The following LPA variants were observed in gnomAD, a reference collection of about 807,000 sequenced individuals.
The protein encoded by LPA is apolipoprotein(a).
LPA carries 199 observed loss-of-function variants against 197.9 expected under a neutral mutation model. That is an observed-to-expected ratio of 1.01 (90% CI 0.90 to 1.13). The LOEUF (loss-of-function observed/expected upper bound fraction) is 1.13. Among genes scored for constraint, LPA ranks in the 50% most tolerant of loss-of-function variants. LPA has a pLI of 0.00. For synonymous variants in LPA, 715 were observed against 639.5 expected, an observed-to-expected ratio of 1.12 and a Z score of -1.78; for missense variants, 1,853 against 1,785.8, an observed-to-expected ratio of 1.04 and a Z score of -0.68.
At chr6:160,553,502 T>A (rs1273919371) in intron 30 of LPA, among the ~76,000 whole-genome samples, 1 of 152,202 alleles carries the variant, frequency 6.6e-6, no homozygotes, top group Non-Finnish European at 1.5e-5. Flanking sequence ...CCTAGGTTGA[T>A]CTGTTTTTAT....
intron 22 of LPA, among the ~76,000 whole-genome samples, chr6:160,591,411 G>A (rs7754526): frequency 0.04 from 6,160 of 152,198 alleles, 396 homozygotes; most frequent in African/African-American, 0.14. Context: ...ATGTTACTTT[G>A]GATTAACTGA....
At chr6:160,610,005 G>C (rs1400377238) in intron 16 of LPA, among the ~76,000 whole-genome samples, 1 of 151,944 alleles carries the variant, frequency 6.6e-6, no homozygotes, top group Admixed American at 6.6e-5. Context: ...CTATTAATTT[G>C]TCTTGATATG....
At chr6:160,570,809 T>TA (rs1778549261) in intron 28 of LPA, among the ~76,000 whole-genome samples, 2 of 152,162 alleles carry the variant, frequency 1.3e-5, no homozygotes, top group Admixed American at 6.6e-5. Flanking sequence ...ATCTGACGAT[T>TA]ATGTGTCTTC....
intron 28 of LPA, among the ~76,000 whole-genome samples, chr6:160,565,750 C>T (rs182285082): frequency 3.9e-5 from 6 of 152,228 alleles, no homozygotes; most frequent in East Asian, 1.9e-4. Context: ...GAAGGATGTT[C>T]GAACCCATTG....
rs1778724797 is a variant in LPA at position 160,578,387 on chromosome 6, A to G, written c.4471+136T>C. The G allele has an allele frequency of 4.6e-6, 5 of 1,076,308 alleles. No individual in the cohort carries two copies. In the East Asian group the frequency reaches 1.2e-4, roughly 26 times the overall value. The allele number at this position is 1,076,308 out of a possible 1,614,324, so 66.7% of individuals were successfully genotyped here. On this transcript the variant is annotated intron_variant, in intron 27 of 38. Coordinates refer to ENST00000316300, the MANE Select transcript of LPA (RefSeq NM_005577.4). ...AAAATCACAGTTCTGGATCCCCCAGAGAGGGCGCTGAGGCTTTCCTCCACA... is the reference window on the plus strand; with the variant it reads ...AAAATCACAGTTCTGGATCCCCCAGGGAGGGCGCTGAGGCTTTCCTCCACA...
At chr6:160,566,026 C>T (rs547402096) in intron 28 of LPA, among the ~76,000 whole-genome samples, 1 of 152,110 alleles carries the variant, frequency 6.6e-6, no homozygotes, top group African/African-American at 2.4e-5. Context: ...AAATATGGGA[C>T]TATGTGAAAA....
intron 32 of LPA, among the ~76,000 whole-genome samples, chr6:160,546,258 G>A (rs1778069597): frequency 1.3e-5 from 2 of 152,240 alleles, no homozygotes; most frequent in African/African-American, 4.8e-5. Flanking sequence ...GGCCAATGAT[G>A]TAATCAACTG....
chr6:160,597,746 C>A (rs900936619), intron 20 of LPA, among the ~76,000 whole-genome samples: 3 of 152,154 alleles, frequency 2.0e-5, no homozygotes, highest in African/African-American at 7.2e-5. Context: ...AATTCTCATG[C>A]CATTTAAATC....
chr6:160,592,143 T>C (rs931580284), intron 22 of LPA, among the ~76,000 whole-genome samples: 1 of 152,206 alleles, frequency 6.6e-6, no homozygotes, highest in African/African-American at 2.4e-5. Context: ...TTCTGTGACT[T>C]GCCTAACACA....
At chr6:160,555,257 ATATTAT>A (rs1778235889) in intron 30 of LPA, among the ~76,000 whole-genome samples, 2 of 128,790 alleles carry the variant, frequency 1.6e-5, no homozygotes, top group Non-Finnish European at 3.2e-5. Flanking sequence ...ATATTATATT[ATATTAT>A]ATTATATTAT....
chr6:160,561,972 A>G (rs1437180113), intron 28 of LPA, among the ~76,000 whole-genome samples: 1 of 152,236 alleles, frequency 6.6e-6, no homozygotes, highest in East Asian at 1.9e-4. Context: ...TTTTGGGCTG[A>G]GATGATAGAG....
intron 2 of LPA, among the ~76,000 whole-genome samples, chr6:160,649,882 T>C (rs1779972001): frequency 6.6e-6 from 1 of 152,196 alleles, no homozygotes; most frequent in African/African-American, 2.4e-5. Context: ...AGGGTGTTTC[T>C]ACCCGTTGGA....
At position 160,584,737 on chromosome 6, in the gene LPA, C is replaced by T. The variant is rs1266510183; in HGVS notation, c.4289+309G>A. On this transcript the variant is annotated intron_variant, in intron 26 of 38. Coordinates refer to ENST00000316300, the MANE Select transcript of LPA (RefSeq NM_005577.4). The stretch of plus-strand genomic sequence containing the variant: ...TGCATGGTTGAAAGACTGCATGGAC[C>T]TTTAGTGGGCATTGTGGAATGATAC... Among the ~76,000 whole-genome samples, 9 of 152,176 alleles carry T rather than the reference C, an allele frequency of 5.9e-5. No homozygotes were observed. The East Asian group carries it at 1.5e-3, about 26-fold the overall frequency.
intron 1 of LPA, among the ~76,000 whole-genome samples, chr6:160,657,078 A>T (rs1246657940): frequency 6.6e-5 from 10 of 152,160 alleles, no homozygotes; most frequent in African/African-American, 2.2e-4. Flanking sequence ...AATTATTCCC[A>T]TTGTATTTAA....
chr6:160,635,321 G>T lies in LPA; in HGVS notation c.894-17C>A. On this transcript the variant is annotated splice_polypyrimidine_tract_variant and intron_variant, in intron 6 of 38. Coordinates refer to ENST00000316300, the MANE Select transcript of LPA (RefSeq NM_005577.4). Reference sequence around the variant, plus strand: ...ATCAAGCCACTGGAAATTCCAAAACGATACACGTCACAAGAGGTGGGACAA... The same window carrying T: ...ATCAAGCCACTGGAAATTCCAAAACTATACACGTCACAAGAGGTGGGACAA... 1.0e-6 allele frequency: 1 copy of T among 1,001,850 alleles called. No individual in the cohort carries two copies. Among genetic ancestry groups the T allele is most frequent in the Non-Finnish European group, 1.4e-6 (1 of 698,198 alleles). The allele number at this position is 1,001,850 out of a possible 1,614,324, so 62.1% of individuals were successfully genotyped here.
chr6:160,541,140 T>C lies in LPA; in HGVS notation c.5561A>G (p.Glu1854Gly), dbSNP rs1367147760. The change falls in exon 35 of 39, where the codon GAG (glutamate) becomes GGG (glycine). Residue 1854 changes from glutamate (E) to glycine (G), a missense_variant. Transcript: ENST00000316300. ...GCAGTGAGCAGCAGTCAGCACCCAC[T>C]CTGGGGATATTAAGGTGCCTCCACA... ...HFCGGTLISP[E>G]WVLTAAHCLK... 13 of 1,614,150 alleles carry C rather than the reference T, an allele frequency of 8.1e-6. No homozygotes were observed. Among genetic ancestry groups the C allele is most frequent in the Non-Finnish European group, 1.0e-5 (12 of 1,180,006 alleles).
At chr6:160,544,534 G>T (rs563556453) in intron 33 of LPA, among the ~76,000 whole-genome samples, 1 of 152,206 alleles carries the variant, frequency 6.6e-6, no homozygotes, top group African/African-American at 2.4e-5. Context: ...GGGCAGTGTG[G>T]CTCCCATGAT....
chr6:160,647,091 G>T (rs1214151650), intron 2 of LPA, among the ~76,000 whole-genome samples: 3 of 152,200 alleles, frequency 2.0e-5, no homozygotes, highest in African/African-American at 4.8e-5. Flanking sequence ...AGTATCTCTA[G>T]AATGGGTTCC....
At chr6:160,608,418 T>C (rs1779406946) in intron 16 of LPA, among the ~76,000 whole-genome samples, 1 of 152,198 alleles carries the variant, frequency 6.6e-6, no homozygotes, top group African/African-American at 2.4e-5. Flanking sequence ...ATTCCCGGTA[T>C]CTGGCTTCCA....
Sources: allele counts gnomAD v4.1 joint callset (sites outside exome capture counted in the v4.1 genomes callset), GRCh38; gene constraint gnomAD v4.1.1; transcripts MANE v1.5; gene names NCBI Gene and HGNC (gene_info 2026-07-23, HGNC 2026-07-21).